The following ST6GALNAC3 variants were observed in gnomAD, a reference collection of about 807,000 sequenced individuals.
ST6GALNAC3 encodes alpha-N-acetylgalactosaminide alpha-2,6-sialyltransferase 3.
A neutral mutation model predicts 32.7 loss-of-function variants in ST6GALNAC3; 25 were observed. The ratio of observed to expected loss-of-function variants is 0.76; its 90% confidence interval spans 0.56 to 1.07. ST6GALNAC3 has a LOEUF of 1.07. Among genes scored for constraint, ST6GALNAC3 ranks in the 50% least tolerant of loss-of-function variants. The probability of loss-of-function intolerance (pLI) is 0.00; values close to 1 mark genes in which losing one functional copy is unlikely to be tolerated. For missense variants in ST6GALNAC3, 355 were observed against 382.4 expected (o/e 0.93, Z 0.60); for synonymous variants, 129 against 133.1 (o/e 0.97, Z 0.21).
chr1:76,419,177 T>G (rs1020606956), intron 3 of ST6GALNAC3, among the ~76,000 whole-genome samples: 8 of 152,096 alleles, frequency 5.3e-5, no homozygotes, highest in Admixed American at 3.3e-4. Context: ...CAAAAAGCTG[T>G]GCAGGACATC....
chr1:76,624,316 C>T (rs1648828227), intron 3 of ST6GALNAC3, among the ~76,000 whole-genome samples: 1 of 151,896 alleles, frequency 6.6e-6, no homozygotes, highest in South Asian at 2.1e-4. Flanking sequence ...AGATCCTTGA[C>T]CAGATGCCAA....
chr1:76,171,717 C>T (rs957907291), intron 1 of ST6GALNAC3, among the ~76,000 whole-genome samples: 10 of 151,356 alleles, frequency 6.6e-5, no homozygotes, highest in Admixed American at 6.6e-5. Flanking sequence ...TGGACACATA[C>T]ACCCTACCAA....
intron 1 of ST6GALNAC3, among the ~76,000 whole-genome samples, chr1:76,172,187 C>T (rs999147594): frequency 7.2e-5 from 11 of 151,978 alleles, no homozygotes; most frequent in African/African-American, 2.7e-4. Flanking sequence ...GTTGAACATA[C>T]GTAAATCAAT....
intron 1 of ST6GALNAC3, among the ~76,000 whole-genome samples, chr1:76,177,694 G>A (rs975152853): frequency 6.6e-6 from 1 of 152,126 alleles, no homozygotes; most frequent in African/African-American, 2.4e-5. Flanking sequence ...TAATAAATAA[G>A]CTGTCAGATG....
At chr1:76,381,252 G>T (rs1651695274) in intron 2 of ST6GALNAC3, among the ~76,000 whole-genome samples, 1 of 150,412 alleles carries the variant, frequency 6.6e-6, no homozygotes, top group African/African-American at 2.4e-5. Flanking sequence ...TAGGGCACCA[G>T]GAAAATCTAG....
chr1:76,270,421 T>C (rs1362287100), intron 1 of ST6GALNAC3, among the ~76,000 whole-genome samples: 2 of 149,704 alleles, frequency 1.3e-5, no homozygotes, highest in Non-Finnish European at 3.0e-5. Context: ...GCAGGAGAAT[T>C]GCTTGAACCT....
rs181441274 is a variant in ST6GALNAC3 at position 76,339,408 on chromosome 1, A to G, written c.213+25409A>G. ...AAGTTCCTAGGAAAAAGAAAAGACA[A>G]ATAATCAGATTCTTCCCTAGAGCAT... is the stretch of plus-strand genomic sequence containing the variant. On this transcript the variant is annotated intron_variant, in intron 2 of 4. Transcript: ENST00000328299. Among the ~76,000 whole-genome samples, 6 of 152,196 alleles carry G rather than the reference A, an allele frequency of 3.9e-5. No homozygotes were observed. In the East Asian group the frequency reaches 9.7e-4, roughly 25 times the overall value.
chr1:76,305,429 T>C (rs6701166), intron 1 of ST6GALNAC3, among the ~76,000 whole-genome samples: 122,072 of 151,978 alleles, frequency 0.8, 49,166 homozygotes, highest in Non-Finnish European at 0.84. Flanking sequence ...GATGTGATTA[T>C]GGAAGGTCTT....
At chr1:76,116,534 G>T (rs1218650180) in intron 1 of ST6GALNAC3, among the ~76,000 whole-genome samples, 1 of 152,132 alleles carries the variant, frequency 6.6e-6, no homozygotes, top group Non-Finnish European at 1.5e-5. Context: ...CCTTGGGGGT[G>T]TTGGAATTGG....
intron 1 of ST6GALNAC3, among the ~76,000 whole-genome samples, chr1:76,161,774 C>T (rs1414688499): frequency 6.6e-6 from 1 of 152,156 alleles, no homozygotes; most frequent in Non-Finnish European, 1.5e-5. Context: ...AAAGGGACAC[C>T]CATTGATTTG....
chr1:76,118,916 G>A (rs998961741), intron 1 of ST6GALNAC3, among the ~76,000 whole-genome samples: 6 of 152,082 alleles, frequency 3.9e-5, no homozygotes, highest in Non-Finnish European at 7.4e-5. Flanking sequence ...TCTGTCTCCC[G>A]GGTTCAAGCA....
chr1:76,272,542 A>G (rs1205453873), intron 1 of ST6GALNAC3, among the ~76,000 whole-genome samples: 1 of 152,166 alleles, frequency 6.6e-6, no homozygotes, highest in Non-Finnish European at 1.5e-5. Flanking sequence ...TTCAGAGTTC[A>G]TTCATTCCAT....
intron 2 of ST6GALNAC3, among the ~76,000 whole-genome samples, chr1:76,350,534 G>A (rs982757296): frequency 6.6e-5 from 10 of 152,080 alleles, no homozygotes; most frequent in African/African-American, 1.9e-4. Flanking sequence ...GTTTGAATCC[G>A]ATTTCTTCAG....
intron 3 of ST6GALNAC3, among the ~76,000 whole-genome samples, chr1:76,453,772 T>C (rs1657572847): frequency 6.6e-6 from 1 of 152,176 alleles, no homozygotes; most frequent in South Asian, 2.1e-4. Context: ...GGTAGAATGT[T>C]CTGTAAATAT....
intron 1 of ST6GALNAC3, among the ~76,000 whole-genome samples, chr1:76,287,387 CTTTT>C (rs5775339): frequency 1.5e-5 from 2 of 130,750 alleles, no homozygotes; most frequent in Non-Finnish European, 3.2e-5. Flanking sequence ...TTTTTTCTTC[CTTTT>C]TTTTTTTTTT....
chr1:76,124,950 T>C (rs1287830561), intron 1 of ST6GALNAC3, among the ~76,000 whole-genome samples: 1 of 152,166 alleles, frequency 6.6e-6, no homozygotes, highest in East Asian at 1.9e-4. Flanking sequence ...ATGCAAAATA[T>C]CCCATTACTA....
Position 76,603,549 on chromosome 1 carries a change from G to A in ST6GALNAC3, c.624-23903G>A, listed in dbSNP as rs1647339622. 2.0e-5 allele frequency among the ~76,000 whole-genome samples: 3 copies of A among 152,182 alleles called. No homozygotes were observed. In the South Asian group the frequency reaches 6.2e-4, roughly 32 times the overall value. ...ATATTTTGTTCATGGACACGTACAT[G>A]CACAGTAAAATGACGTTGAAAAATA... On this transcript the variant is annotated intron_variant, in intron 3 of 4. Coordinates refer to ENST00000328299, the MANE Select transcript of ST6GALNAC3 (RefSeq NM_152996.4).
chr1:76,257,173 C>T (rs1051802337), intron 1 of ST6GALNAC3, among the ~76,000 whole-genome samples: 4 of 152,154 alleles, frequency 2.6e-5, no homozygotes, highest in African/African-American at 9.7e-5. Flanking sequence ...AATGACAGTT[C>T]ATTTTCTTGG....
chr1:76,214,105 G>A (rs1391411130), intron 1 of ST6GALNAC3, among the ~76,000 whole-genome samples: 4 of 152,016 alleles, frequency 2.6e-5, no homozygotes, highest in Non-Finnish European at 4.4e-5. Context: ...TCATAACCTA[G>A]ATTCCTCCCT....
Sources: allele counts gnomAD v4.1 joint callset (sites outside exome capture counted in the v4.1 genomes callset), GRCh38; gene constraint gnomAD v4.1.1; transcripts MANE v1.5; gene names NCBI Gene and HGNC (gene_info 2026-07-23, HGNC 2026-07-21).